NCOA1: variants seen among roughly 807,000 people sequenced by gnomAD.
The protein encoded by NCOA1 is nuclear receptor coactivator 1.
Under a neutral mutation model 150.9 loss-of-function variants are expected in NCOA1, and 35 were observed. The observed-to-expected ratio is 0.23, with a 90% CI of 0.18 to 0.31. The LOEUF is 0.31. NCOA1 is among the 10% of genes least tolerant of loss of function. The probability of loss-of-function intolerance (pLI) is 1.00; values close to 1 mark genes in which losing one functional copy is unlikely to be tolerated. For synonymous variants in NCOA1, 590 were observed against 630.0 expected, an observed-to-expected ratio of 0.94 and a Z score of 0.95; for missense variants, 1,491 against 1,749.3, an observed-to-expected ratio of 0.85 and a Z score of 2.63.
intron 1 of NCOA1, among the ~76,000 whole-genome samples, chr2:24,507,845 C>G (rs985958173): frequency 6.6e-6 from 1 of 152,156 alleles, no homozygotes; most frequent in African/African-American, 2.4e-5. Context: ...AAACTTACCT[C>G]TGACTTTATC....
intron 1 of NCOA1, among the ~76,000 whole-genome samples, chr2:24,548,287 C>A (rs1452745566): frequency 1.3e-5 from 2 of 152,148 alleles, no homozygotes; most frequent in African/African-American, 4.8e-5. Context: ...AAAACTCCCC[C>A]TTACAAAAGC....
At chr2:24,708,165 C>T (rs1158308806) in intron 13 of NCOA1, among the ~76,000 whole-genome samples, 1 of 152,088 alleles carries the variant, frequency 6.6e-6, no homozygotes, top group African/African-American at 2.4e-5. Context: ...TTTTAAAATA[C>T]CTTCCCTGCC....
chr2:24,659,201 A>G (rs1008446796), intron 5 of NCOA1: 2 of 171,664 alleles, frequency 1.2e-5, no homozygotes, highest in Admixed American at 5.6e-5. Flanking sequence ...GTTCTTGCTC[A>G]TCATTGTATC....
At chr2:24,596,034 T>C (rs1424922138) in intron 3 of NCOA1, among the ~76,000 whole-genome samples, 1 of 152,160 alleles carries the variant, frequency 6.6e-6, no homozygotes, top group African/African-American at 2.4e-5. Context: ...ATCTCAGACC[T>C]GTGAGCATTT....
intron 14 of NCOA1, among the ~76,000 whole-genome samples, chr2:24,714,751 G>A (rs1212360683): frequency 6.6e-6 from 1 of 151,994 alleles, no homozygotes; most frequent in Non-Finnish European, 1.5e-5. Flanking sequence ...ACATAATTAT[G>A]GAAGAAGGGG....
chr2:24,575,126 T>C (rs549313669), intron 2 of NCOA1, among the ~76,000 whole-genome samples: 1 of 152,270 alleles, frequency 6.6e-6, no homozygotes, highest in East Asian at 1.9e-4. Flanking sequence ...ACATTGATCT[T>C]AGCTTGTTTG....
intron 1 of NCOA1, among the ~76,000 whole-genome samples, chr2:24,542,914 A>G (rs1018475764): frequency 2.6e-5 from 4 of 152,226 alleles, no homozygotes; most frequent in Non-Finnish European, 5.9e-5. Flanking sequence ...TTACTTGTAA[A>G]ATCGTCACTA....
chr2:24,552,425 G>A (rs1665894240), intron 1 of NCOA1, among the ~76,000 whole-genome samples: 1 of 125,288 alleles, frequency 8.0e-6, no homozygotes, highest in African/African-American at 3.1e-5. Context: ...GGAGTGCAAT[G>A]GCATGATCTC....
intron 1 of NCOA1, among the ~76,000 whole-genome samples, chr2:24,548,389 C>T (rs1471068959): frequency 2.0e-5 from 3 of 152,246 alleles, no homozygotes; most frequent in African/African-American, 4.8e-5. Flanking sequence ...AGGTCTTTCC[C>T]ACAACGTGGG....
At chr2:24,675,582 G>A (rs563946891) in intron 7 of NCOA1, among the ~76,000 whole-genome samples, 10 of 152,126 alleles carry the variant, frequency 6.6e-5, no homozygotes, top group African/African-American at 9.7e-5. Context: ...AAAGATGATC[G>A]TAGTTAAAAA....
At chr2:24,745,407 C>A (rs1325275558) in intron 19 of NCOA1, among the ~76,000 whole-genome samples, 1 of 152,066 alleles carries the variant, frequency 6.6e-6, no homozygotes, top group Non-Finnish European at 1.5e-5. Flanking sequence ...CGTGATCCAC[C>A]CACCTCGGCC....
intron 1 of NCOA1, among the ~76,000 whole-genome samples, chr2:24,503,792 TG>T (rs1216424660): frequency 2.0e-5 from 3 of 149,822 alleles, no homozygotes; most frequent in Non-Finnish European, 4.4e-5. Context: ...CTGGATGTGG[TG>T]GTGTGATCTT....
chr2:24,734,277 TACTC>T (rs895679331), intron 17 of NCOA1, among the ~76,000 whole-genome samples: 3 of 150,636 alleles, frequency 2.0e-5, no homozygotes, highest in African/African-American at 4.9e-5. Flanking sequence ...CAAAAAAAAA[TACTC>T]ATGAAAGAAA....
chr2:24,675,187 C>G (rs933948679), intron 7 of NCOA1, among the ~76,000 whole-genome samples: 1 of 152,168 alleles, frequency 6.6e-6, no homozygotes, highest in Non-Finnish European at 1.5e-5. Flanking sequence ...ATAACATATA[C>G]ACATATATGT....
At chr2:24,529,989 A>G (rs938002774) in intron 1 of NCOA1, among the ~76,000 whole-genome samples, 1 of 152,218 alleles carries the variant, frequency 6.6e-6, no homozygotes, top group Non-Finnish European at 1.5e-5. Context: ...CATACCGTGA[A>G]TTGCTAAATT....
At chr2:24,598,714 TTAGG>T (rs1667984338) in intron 3 of NCOA1, among the ~76,000 whole-genome samples, 1 of 152,110 alleles carries the variant, frequency 6.6e-6, no homozygotes, top group African/African-American at 2.4e-5. Context: ...TAGGAGTTAA[TTAGG>T]AAGGAAGAGA....
intron 20 of NCOA1, among the ~76,000 whole-genome samples, chr2:24,754,686 A>T (rs1263426535): frequency 6.6e-6 from 1 of 152,200 alleles, no homozygotes; most frequent in African/African-American, 2.4e-5. Context: ...TTAACACTTG[A>T]CATACTGTGT....
chr2:24,741,777 T>C lies in NCOA1; in HGVS notation c.3304-7T>C, dbSNP rs1428577265. 1.9e-6 allele frequency: 3 copies of C among 1,599,054 alleles called. No homozygotes were observed. The highest frequency in any genetic ancestry group is 2.6e-6 in the Non-Finnish European group (3 of 1,173,356). On this transcript the variant is annotated splice_region_variant and splice_polypyrimidine_tract_variant and intron_variant, in intron 18 of 22. Coordinates refer to ENST00000348332, the MANE Select transcript of NCOA1 (RefSeq NM_003743.5). ...TTTTAGTAAGTGAGTTTTTTCCTGC[T>C]TTTCAGCCACCCCTGAATGCTCAAA...
intron 2 of NCOA1, among the ~76,000 whole-genome samples, chr2:24,582,628 A>G (rs1667240457): frequency 6.6e-6 from 1 of 152,180 alleles, no homozygotes; most frequent in Non-Finnish European, 1.5e-5. Flanking sequence ...ATGAAACCAC[A>G]GACGACCCCA....
Sources: allele counts gnomAD v4.1 joint callset (sites outside exome capture counted in the v4.1 genomes callset), GRCh38; gene constraint gnomAD v4.1.1; transcripts MANE v1.5; gene names NCBI Gene and HGNC (gene_info 2026-07-23, HGNC 2026-07-21).